The following SLC14A2 variants were observed in gnomAD, a reference collection of about 807,000 sequenced individuals.
SLC14A2 encodes the protein solute carrier family 14 member 2, also known as urea transporter 2.
Under a neutral mutation model 104.6 loss-of-function variants are expected in SLC14A2, and 91 were observed. The observed-to-expected ratio is 0.87, with a 90% CI of 0.73 to 1.04. SLC14A2 has a LOEUF of 1.04. SLC14A2 is among the 50% of genes least tolerant of loss of function. The pLI is 0.00. For synonymous variants in SLC14A2, 476 were observed against 466.4 expected, an observed-to-expected ratio of 1.02 and a Z score of -0.27; for missense variants, 1,189 against 1,156.0, an observed-to-expected ratio of 1.03 and a Z score of -0.41.
In SLC14A2 at chr18:45,637,016, C is replaced by A; in HGVS notation, c.677C>A (p.Ser226Tyr). Residue 226 changes from serine to tyrosine, a missense_variant, in exon 6 of 20, where the codon TCC becomes TAC. Physicochemically the swap from Ser to Tyr is moderately radical, Grantham distance 144. Coordinates refer to ENST00000255226, the MANE Select transcript of SLC14A2 (RefSeq NM_007163.4). Reference sequence around the variant, plus strand: ...CCAGTTCTTTCTAGTGCCTTGAATTCCATCTTCAGCAAGTGGGACCTCCCG... The same window carrying A: ...CCAGTTCTTTCTAGTGCCTTGAATTACATCTTCAGCAAGTGGGACCTCCCG... Reference protein sequence around the residue: ...SCPVLSSALNSIFSKWDLPVF... With the variant: ...SCPVLSSALNYIFSKWDLPVF... 6.2e-7 allele frequency: 1 copy of A among 1,614,078 alleles called. No homozygotes were observed. Among genetic ancestry groups the A allele is most frequent in the South Asian group, 1.1e-5 (1 of 91,064 alleles).
At chr18:45,563,352 G>A (rs569106458) in intron 2 of SLC14A2, among the ~76,000 whole-genome samples, 3 of 152,384 alleles carry the variant, frequency 2.0e-5, no homozygotes, top group African/African-American at 7.2e-5. Context: ...CATAAGGGCA[G>A]ACCAGTGTTG....
intron 1 of SLC14A2, chr18:45,424,211 C>T (rs1025615278): frequency 1.3e-5 from 2 of 152,198 alleles, no homozygotes; most frequent in African/African-American, 4.8e-5. Flanking sequence ...GGATCACAGA[C>T]ACTAAAAAGA....
In SLC14A2 at chr18:45,449,383, C is replaced by A. The variant is rs73955819; in HGVS notation, c.-124-33850C>A. Among the ~76,000 whole-genome samples the A allele has an allele frequency of 9.3e-3, 1,424 of 152,300 alleles. 24 individuals carry two copies. The highest frequency in any genetic ancestry group is 0.033 in the African/African-American group (1,363 of 41,548). On this transcript the variant is annotated intron_variant, in intron 1 of 20. Transcript: ENST00000586448. ...CCTCTCTGAAGCCTTCTCCTGACCC[C>A]AACTCTGACCATTTCCAAAACACAT...
In SLC14A2 at chr18:45,539,141, G is replaced by T. The variant is rs145383819; in HGVS notation, c.-35+55819G>T. ...ACTGGAGAGTCGAGGTCCTCTGGGA[G>T]CCCAGAGGAAAGAGCAATGGACTCT... On this transcript the variant is annotated intron_variant, in intron 2 of 20. Coordinates refer to the SLC14A2 transcript ENST00000586448. 5.1e-3 allele frequency among the ~76,000 whole-genome samples: 776 copies of T among 152,098 alleles called. 7 individuals carry two copies. The highest frequency in any genetic ancestry group is 0.018 in the African/African-American group (738 of 41,478).
intron 1 of SLC14A2, among the ~76,000 whole-genome samples, chr18:45,213,753 G>A (rs1332174202): frequency 6.6e-6 from 1 of 152,184 alleles, no homozygotes; most frequent in Non-Finnish European, 1.5e-5. Flanking sequence ...TTCCAATGAA[G>A]TGACCAGTCA....
At chr18:45,479,871 G>T (rs2087459437) in intron 1 of SLC14A2, among the ~76,000 whole-genome samples, 1 of 152,154 alleles carries the variant, frequency 6.6e-6, no homozygotes, top group Non-Finnish European at 1.5e-5. Flanking sequence ...TCCGGATGTG[G>T]CCAGGGAGGA....
intron 1 of SLC14A2, among the ~76,000 whole-genome samples, chr18:45,347,511 T>C (rs1220221207): frequency 6.6e-6 from 1 of 152,198 alleles, no homozygotes; most frequent in Non-Finnish European, 1.5e-5. Context: ...CCATCCTTCC[T>C]CTATAAATCT....
At chr18:45,229,930 A>T (rs1419336471) in intron 1 of SLC14A2, among the ~76,000 whole-genome samples, 1 of 152,018 alleles carries the variant, frequency 6.6e-6, no homozygotes, top group Non-Finnish European at 1.5e-5. Flanking sequence ...CTTGCTACAC[A>T]GCCTTGGGCA....
At chr18:45,626,264 C>T (rs2045255958) in intron 3 of SLC14A2, among the ~76,000 whole-genome samples, 1 of 152,140 alleles carries the variant, frequency 6.6e-6, no homozygotes, top group Non-Finnish European at 1.5e-5. Flanking sequence ...TGCTATGTGC[C>T]AAGAAAATAT....
chr18:45,252,240 G>A (rs1229742267), intron 1 of SLC14A2, among the ~76,000 whole-genome samples: 1 of 152,202 alleles, frequency 6.6e-6, no homozygotes, highest in African/African-American at 2.4e-5. Context: ...TCTATCATGA[G>A]AAGATTTGAA....
At chr18:45,275,166 AGTGACC>A (rs2084689499) in intron 1 of SLC14A2, among the ~76,000 whole-genome samples, 1 of 152,212 alleles carries the variant, frequency 6.6e-6, no homozygotes, top group African/African-American at 2.4e-5. Flanking sequence ...TCACATTTGC[AGTGACC>A]TTATTATTCG....
chr18:45,454,803 C>T (rs1279108903), intron 1 of SLC14A2, among the ~76,000 whole-genome samples: 1 of 152,132 alleles, frequency 6.6e-6, no homozygotes, highest in East Asian at 1.9e-4. Flanking sequence ...TGTCAAAGAG[C>T]AGGTGGTTAT....
chr18:45,514,666 G>T (rs1277691585), intron 2 of SLC14A2, among the ~76,000 whole-genome samples: 2 of 152,120 alleles, frequency 1.3e-5, no homozygotes, highest in Non-Finnish European at 2.9e-5. Flanking sequence ...AATATTAAGA[G>T]GCATACCTAG....
the SLC14A2 span, among the ~76,000 whole-genome samples, chr18:45,170,867 T>A: frequency 6.6e-6 from 1 of 152,140 alleles, no homozygotes; most frequent in Non-Finnish European, 1.5e-5. Flanking sequence ...CCCACAGGAA[T>A]CTACCAATTA....
At chr18:45,382,447 C>T (rs1175032657) in intron 1 of SLC14A2, among the ~76,000 whole-genome samples, 3 of 152,212 alleles carry the variant, frequency 2.0e-5, no homozygotes, top group East Asian at 3.9e-4. Context: ...GCAAAATAGG[C>T]CTGTATGTTA....
intron 1 of SLC14A2, among the ~76,000 whole-genome samples, chr18:45,442,862 C>T (rs976043280): frequency 1.6e-4 from 24 of 152,102 alleles, no homozygotes; most frequent in Admixed American, 1.4e-3. Context: ...AAAAAAATTC[C>T]CTCCTGTATA....
the SLC14A2 span, among the ~76,000 whole-genome samples, chr18:45,192,975 T>G: frequency 1.2e-4 from 18 of 152,158 alleles, no homozygotes; most frequent in Non-Finnish European, 2.1e-4. Context: ...GGTATCTTAT[T>G]ATGGCTTTTA....
chr18:45,315,848 G>A (rs191530792), intron 1 of SLC14A2, among the ~76,000 whole-genome samples: 29 of 152,316 alleles, frequency 1.9e-4, no homozygotes, highest in South Asian at 1.5e-3. Context: ...AGAGGTTGGC[G>A]TGGAAAAGGT....
At chr18:45,299,671 A>G (rs2084949517) in intron 1 of SLC14A2, among the ~76,000 whole-genome samples, 2 of 152,186 alleles carry the variant, frequency 1.3e-5, no homozygotes, top group Admixed American at 1.3e-4. Context: ...CATGTTGGCC[A>G]GGCTGGTCTT....
Sources: gnomAD v4.1 joint callset for allele counts (sites outside exome capture counted in the v4.1 genomes callset) on GRCh38, gnomAD v4.1.1 for gene constraint, MANE v1.5 for transcripts, NCBI Gene and HGNC (gene_info 2026-07-23, HGNC 2026-07-21) for gene names.